The following MLLT10 variants were observed in gnomAD, a reference collection of about 807,000 sequenced individuals.
MLLT10 encodes the protein protein AF-10.
MLLT10 carries 30 observed loss-of-function variants against 129.1 expected under a neutral mutation model. That is an observed-to-expected ratio of 0.23 (90% CI 0.17 to 0.32). The LOEUF (loss-of-function observed/expected upper bound fraction) is 0.32. MLLT10 is among the 10% of genes least tolerant of loss of function. The pLI is 1.00. For synonymous variants in MLLT10, 490 were observed against 446.4 expected (o/e 1.10, Z -1.23); for missense variants, 1,119 against 1,268.3 (o/e 0.88, Z 1.79).
At chr10:21,595,566 C>A (rs1438305380) in intron 5 of MLLT10, 126 bp downstream of exon 5, 1 of 640,838 alleles carries the variant, frequency 1.6e-6, no homozygotes, top group South Asian at 2.5e-5. Flanking sequence ...AATTACTACT[C>A]CAAACTGCAG....
chr10:21,718,607 C>T (rs558116648), intron 14 of MLLT10, among the ~76,000 whole-genome samples: 65 of 152,226 alleles, frequency 4.3e-4, no homozygotes, highest in African/African-American at 1.5e-3. Flanking sequence ...TCTTGTCTAT[C>T]CCATGTTACT....
At chr10:21,557,086 T>C (rs938027235) in intron 3 of MLLT10, 7 of 1,407,300 alleles carry the variant, frequency 5.0e-6, no homozygotes, top group African/African-American at 1.4e-5. Flanking sequence ...TTGAATCATC[T>C]CATGAATTCT....
At chr10:21,611,752 G>A (rs1215375767) in intron 5 of MLLT10, among the ~76,000 whole-genome samples, 1 of 152,024 alleles carries the variant, frequency 6.6e-6, no homozygotes, top group East Asian at 1.9e-4. Flanking sequence ...GTATCTCTTG[G>A]GCATTTCTGA....
chr10:21,625,049 A>ATAT, intron 8 of MLLT10: 1 of 874,254 alleles, frequency 1.1e-6, no homozygotes, highest in South Asian at 1.6e-5. Context: ...CCTCCTTGAT[A>ATAT]GATGTGGTAA....
At chr10:21,538,406 G>A (rs974371385) in intron 2 of MLLT10, among the ~76,000 whole-genome samples, 2 of 151,824 alleles carry the variant, frequency 1.3e-5, no homozygotes, top group Admixed American at 1.3e-4. Flanking sequence ...CAGGTGATCC[G>A]CCTGTCTCAG....
chr10:21,646,282 C>G (rs1200888806), intron 8 of MLLT10, among the ~76,000 whole-genome samples: 18 of 152,168 alleles, frequency 1.2e-4, no homozygotes, highest in African/African-American at 9.7e-5. Context: ...GCAGTTCATT[C>G]TGGAACTAAA....
At chr10:21,629,120 A>G (rs2046766254) in intron 8 of MLLT10, among the ~76,000 whole-genome samples, 2 of 150,608 alleles carry the variant, frequency 1.3e-5, no homozygotes, top group African/African-American at 4.9e-5. Context: ...TTGCTGCATG[A>G]ATTTTTTCTT....
At chr10:21,667,262 T>C (rs2050903923) in intron 9 of MLLT10, among the ~76,000 whole-genome samples, 1 of 151,988 alleles carries the variant, frequency 6.6e-6, no homozygotes, top group African/African-American at 2.4e-5. Context: ...ATTTCCTCTT[T>C]ATCATTGGTT....
intron 16 of MLLT10, among the ~76,000 whole-genome samples, chr10:21,728,767 T>C (rs927959231): frequency 1.3e-5 from 2 of 152,004 alleles, no homozygotes; most frequent in African/African-American, 2.4e-5. Context: ...GTGGCTCATG[T>C]CTATAATCCC....
At chr10:21,709,022 AG>A (rs963439504) in intron 13 of MLLT10, among the ~76,000 whole-genome samples, 4 of 152,204 alleles carry the variant, frequency 2.6e-5, no homozygotes, top group African/African-American at 9.6e-5. Flanking sequence ...AATAATATGG[AG>A]GTTCAGAAGG....
intron 21 of MLLT10, among the ~76,000 whole-genome samples, chr10:21,736,911 C>T (rs2058416852): frequency 6.6e-6 from 1 of 152,012 alleles, no homozygotes. Context: ...GTCCTGGACA[C>T]CCTAGAAAAG....
At chr10:21,720,073 A>G (rs2057019932) in intron 14 of MLLT10, among the ~76,000 whole-genome samples, 1 of 152,206 alleles carries the variant, frequency 6.6e-6, no homozygotes, top group South Asian at 2.1e-4. Flanking sequence ...CAGTTAAGAA[A>G]CCTACTTAGA....
At chr10:21,685,652 C>A (rs1310427605) in intron 13 of MLLT10, among the ~76,000 whole-genome samples, 1 of 152,066 alleles carries the variant, frequency 6.6e-6, no homozygotes, top group Non-Finnish European at 1.5e-5. Flanking sequence ...TCTTTGGCTA[C>A]TTTAAACCAG....
chr10:21,558,078 T>C (rs2038295858), intron 3 of MLLT10, among the ~76,000 whole-genome samples: 1 of 151,040 alleles, frequency 6.6e-6, no homozygotes, highest in Admixed American at 6.6e-5. Context: ...GCCTCCCAAG[T>C]AGCTGGGATT....
chr10:21,570,884 G>A (rs1237855348), intron 3 of MLLT10, among the ~76,000 whole-genome samples: 1 of 151,860 alleles, frequency 6.6e-6, no homozygotes, highest in African/African-American at 2.4e-5. Context: ...TATAAATTTT[G>A]ATTGACTTTT....
At chr10:21,564,690 G>A (rs1305613887) in intron 3 of MLLT10, 1 of 151,954 alleles carries the variant, frequency 6.6e-6, no homozygotes, top group Non-Finnish European at 1.5e-5. Context: ...CGGGCATGGT[G>A]GCACATGCCT....
intron 4 of MLLT10, among the ~76,000 whole-genome samples, chr10:21,593,893 TCCA>T (rs1207901305): frequency 4.2e-5 from 5 of 118,822 alleles, no homozygotes; most frequent in African/African-American, 1.7e-4. Context: ...GCCAGTGCAG[TCCA>T]GCCTGGGCGA....
intron 11 of MLLT10, among the ~76,000 whole-genome samples, chr10:21,680,275 A>T (rs376722072): frequency 6.6e-6 from 1 of 151,562 alleles, no homozygotes; most frequent in Non-Finnish European, 1.5e-5. Flanking sequence ...CGATGGTGCA[A>T]TCTCGGCTCA....
chr10:21,645,786 A>G (rs1331262682), intron 8 of MLLT10, among the ~76,000 whole-genome samples: 2 of 152,202 alleles, frequency 1.3e-5, no homozygotes, highest in Non-Finnish European at 2.9e-5. Context: ...TCTTGGCCTT[A>G]AGATATGAAC....
Sources: gnomAD v4.1 joint callset for allele counts (sites outside exome capture counted in the v4.1 genomes callset) on GRCh38, gnomAD v4.1.1 for gene constraint, MANE v1.5 for transcripts, NCBI Gene and HGNC (gene_info 2026-07-23, HGNC 2026-07-21) for gene names.